Variants in MLIP observed in about 807,000 individuals in gnomAD.
MLIP encodes the protein muscular LMNA-interacting protein.
In MLIP, 79 loss-of-function variants were observed where a neutral mutation model predicts 84.8. That is an observed-to-expected ratio of 0.93 (90% CI 0.78 to 1.12). The LOEUF (loss-of-function observed/expected upper bound fraction) is 1.12, where lower values mean the gene tolerates loss of function less well. Ranked by LOEUF, MLIP falls within the 50% of genes most tolerant of loss-of-function variation. MLIP has a pLI of 0.00. For missense variants in MLIP, 1,257 were observed against 1,160.6 expected (o/e 1.08, Z -1.21); for synonymous variants, 504 against 463.0 (o/e 1.09, Z -1.14).
At position 54,252,553 on chromosome 6, in the gene MLIP, C is replaced by T. The variant is rs924095552; in HGVS notation, c.2923-4755C>T. Among the ~76,000 whole-genome samples, 4 of 142,638 alleles carry T rather than the reference C, an allele frequency of 2.8e-5. No homozygotes were observed. The East Asian group carries it at 8.2e-4, about 29-fold the overall frequency. 93.6% of individuals were successfully genotyped at this position (142,638 alleles called of 152,430 possible). ...TATAGATAATGATAATAAATATAAC[C>T]TATAACATATTATCATGATATGTAT... is the stretch of plus-strand genomic sequence containing the variant. On this transcript the variant is annotated intron_variant, in intron 12 of 13. Transcript: ENST00000502396.
chr6:54,160,803 T>C lies in MLIP; in HGVS notation c.2499+4T>C. 6.2e-7 allele frequency: 1 copy of C among 1,603,722 alleles called. No individual in the cohort carries two copies. Among genetic ancestry groups the C allele is most frequent in the Non-Finnish European group, 8.5e-7 (1 of 1,172,282 alleles). On this transcript the variant is annotated splice_donor_region_variant and intron_variant, in intron 8 of 13. Transcript: ENST00000502396. ...GTTGGGTTCTGACACAGTCAAAGTA[T>C]GTATGTATTTAATATAATTTATGGA...
At chr6:54,150,580 G>T (rs954615456) in intron 5 of MLIP, among the ~76,000 whole-genome samples, 27 of 152,162 alleles carry the variant, frequency 1.8e-4, no homozygotes, top group African/African-American at 5.5e-4. Flanking sequence ...GAGGAGATGA[G>T]GAGCCTGTTT....
At chr6:54,062,867 T>C (rs956007429) in intron 1 of MLIP, among the ~76,000 whole-genome samples, 1 of 152,134 alleles carries the variant, frequency 6.6e-6, no homozygotes, top group African/African-American at 2.4e-5. Context: ...TTAGTTAATG[T>C]TTGTCAAATA....
intron 3 of MLIP, among the ~76,000 whole-genome samples, chr6:54,131,189 T>C (rs549461001): frequency 6.6e-6 from 1 of 152,302 alleles, no homozygotes; most frequent in Admixed American, 6.5e-5. Flanking sequence ...GTAGATCAGA[T>C]GTCTGGATAT....
At chr6:54,026,511 A>G (rs553224624) in intron 1 of MLIP, among the ~76,000 whole-genome samples, 1 of 152,356 alleles carries the variant, frequency 6.6e-6, no homozygotes, top group East Asian at 1.9e-4. Flanking sequence ...TATAGCAAGA[A>G]ATTTTAAAAA....
At chr6:54,039,167 A>T in intron 1 of MLIP, among the ~76,000 whole-genome samples, 1 of 152,018 alleles carries the variant, frequency 6.6e-6, no homozygotes, top group African/African-American at 2.4e-5. Flanking sequence ...TGGAATTTCT[A>T]GTAATTTTAT....
At chr6:54,238,412 C>T (rs1335476811) in intron 12 of MLIP, among the ~76,000 whole-genome samples, 1 of 152,178 alleles carries the variant, frequency 6.6e-6, no homozygotes, top group African/African-American at 2.4e-5. Context: ...TTTCAGTATT[C>T]CCACTTAATT....
At chr6:54,203,349 C>G (rs2150718656) in intron 11 of MLIP, among the ~76,000 whole-genome samples, 1 of 151,960 alleles carries the variant, frequency 6.6e-6, no homozygotes, top group Admixed American at 6.6e-5. Context: ...ACAGTCAGGA[C>G]ATGTAAGATC....
chr6:54,083,313 C>G (rs1265841922), intron 1 of MLIP: 3 of 558,238 alleles, frequency 5.4e-6, no homozygotes, highest in Non-Finnish European at 5.6e-6. Flanking sequence ...AAGAGTTTCT[C>G]TTAGAACACT....
At chr6:54,177,124 T>C (rs1776369812) in intron 9 of MLIP, among the ~76,000 whole-genome samples, 2 of 152,062 alleles carry the variant, frequency 1.3e-5, no homozygotes, top group South Asian at 4.1e-4. Context: ...GGCAATACCA[T>C]TCAGGACTGG....
chr6:54,222,421 A>G (rs533610033), intron 11 of MLIP, among the ~76,000 whole-genome samples: 1 of 152,014 alleles, frequency 6.6e-6, no homozygotes, highest in South Asian at 2.1e-4. Flanking sequence ...TCTGCCTTCT[A>G]TGAGTTTGAC....
At chr6:54,105,563 A>G (rs1232509890) in intron 1 of MLIP, among the ~76,000 whole-genome samples, 1 of 152,208 alleles carries the variant, frequency 6.6e-6, no homozygotes, top group Non-Finnish European at 1.5e-5. Context: ...CCTTGCCCTC[A>G]TGGTGATTAA....
At chr6:54,168,350 A>T (rs183683967) in intron 8 of MLIP, among the ~76,000 whole-genome samples, 1 of 151,840 alleles carries the variant, frequency 6.6e-6, no homozygotes, top group African/African-American at 2.4e-5. Flanking sequence ...CCTCCTTAAC[A>T]TCTAGGTGTT....
chr6:54,112,503 C>G (rs944707450), intron 1 of MLIP, among the ~76,000 whole-genome samples: 3 of 152,112 alleles, frequency 2.0e-5, no homozygotes, highest in African/African-American at 7.2e-5. Flanking sequence ...AATGATTGCC[C>G]TTTTTGTGAT....
In MLIP at chr6:54,067,556, T is replaced by G. The variant is rs180701487; in HGVS notation, c.63+48465T>G. On this transcript the variant is annotated intron_variant, in intron 1 of 12. Coordinates refer to the MLIP transcript ENST00000274897. ...TTTCACTTCTTTAGAATTATCACCT[T>G]ATTCTAATTCACACTTTAAATTTGG... is the stretch of plus-strand genomic sequence containing the variant. Among the ~76,000 whole-genome samples the G allele has an allele frequency of 5.2e-4, 53 of 101,744 alleles. 18 individuals carry two copies. Among genetic ancestry groups the G allele is most frequent in the Non-Finnish European group, 9.1e-4 (32 of 35,228 alleles). The allele number at this position is 101,744 out of a possible 152,430, so 66.7% of individuals were successfully genotyped here. A position where few individuals can be genotyped will look rare whatever the true frequency, so the allele number is the denominator to read the frequency against.
intron 10 of MLIP, among the ~76,000 whole-genome samples, chr6:54,198,339 G>T (rs963196298): frequency 2.6e-5 from 4 of 152,128 alleles, no homozygotes; most frequent in African/African-American, 9.7e-5. Context: ...TTAACTTTCT[G>T]TTGCAAATGT....
intron 12 of MLIP, among the ~76,000 whole-genome samples, chr6:54,250,458 C>G (rs147226800): frequency 6.6e-6 from 1 of 151,956 alleles, no homozygotes; most frequent in Non-Finnish European, 1.5e-5. Flanking sequence ...TGGAATTAAC[C>G]CAAATGCCCA....
intron 1 of MLIP, among the ~76,000 whole-genome samples, chr6:54,020,970 G>A (rs1446776699): frequency 6.6e-6 from 1 of 152,208 alleles, no homozygotes; most frequent in Non-Finnish European, 1.5e-5. Context: ...TTCAGATACA[G>A]GAGTTCTGAT....
chr6:54,019,092 G>GT lies in MLIP; in HGVS notation c.63+2dup, dbSNP rs1763357014. ...CAAGAATTTAGAGGAGAAACTGACG[G>GT]TAAGACATGAGATTTAGCACACACA... On this transcript the variant is annotated splice_donor_variant, in intron 1 of 12. Coordinates refer to the MLIP transcript ENST00000274897. LOFTEE classifies it high-confidence loss of function. 1 of 1,612,210 alleles carries GT rather than the reference G, an allele frequency of 6.2e-7. No individual in the cohort carries two copies. The highest frequency in any genetic ancestry group is 2.2e-5 in the East Asian group (1 of 44,848).
Sources: gnomAD v4.1 joint callset for allele counts (sites outside exome capture counted in the v4.1 genomes callset) on GRCh38, gnomAD v4.1.1 for gene constraint, MANE v1.5 for transcripts, NCBI Gene and HGNC (gene_info 2026-07-23, HGNC 2026-07-21) for gene names.